SLC25A33: variants seen among roughly 807,000 people sequenced by gnomAD.
The protein encoded by SLC25A33 is bone marrow stromal cell mitochondrial carrier protein.
Under a neutral mutation model 35.5 loss-of-function variants are expected in SLC25A33, and 15 were observed. The ratio of observed to expected loss-of-function variants is 0.42; its 90% CI spans 0.28 to 0.65. The LOEUF is 0.65. Ranked by LOEUF, SLC25A33 falls within the 30% of genes least tolerant of loss-of-function variation. SLC25A33 has a pLI of 0.20. For missense variants in SLC25A33, 257 were observed against 398.5 expected (o/e 0.64, Z 3.02); for synonymous variants, 136 against 148.7 (o/e 0.91, Z 0.62).
At position 9,545,064 on chromosome 1, in the gene SLC25A33, A is replaced by G. The variant is rs2100367787; in HGVS notation, c.56+5317A>G. Among the ~76,000 whole-genome samples, 3 of 152,322 alleles carry G rather than the reference A, an allele frequency of 2.0e-5. No homozygotes were observed. The East Asian group carries it at 5.8e-4, about 29-fold the overall frequency. ...TGAGGTGCCTAAGCCACAAGGGGAA[A>G]AATTAAACTAGGGAGGCATGGGTGT... On this transcript the variant is annotated intron_variant, in intron 1 of 6. Coordinates refer to ENST00000302692, the MANE Select transcript of SLC25A33 (RefSeq NM_032315.3).
intron 5 of SLC25A33, among the ~76,000 whole-genome samples, chr1:9,579,480 T>C (rs1643707600): frequency 6.6e-6 from 1 of 152,034 alleles, no homozygotes; most frequent in Admixed American, 6.6e-5. Flanking sequence ...TGTTTACTGG[T>C]TTGTTATAGA....
In SLC25A33 at chr1:9,550,015, T is replaced by G. The variant is rs371553979; in HGVS notation, c.57-3611T>G. ...TCTATACATATATATATATATATTT[T>G]TTTTTTTTTTTTTTTTTTTTTTTGA... On this transcript the variant is annotated intron_variant, in intron 1 of 6. Transcript: ENST00000302692. 8.4e-3 allele frequency among the ~76,000 whole-genome samples: 595 copies of G among 71,170 alleles called. 39 individuals are homozygous for G. The highest frequency in any genetic ancestry group is 0.04 in the African/African-American group (569 of 14,296). The allele number at this position is 71,170 out of a possible 152,430, so 46.7% of individuals were successfully genotyped here. A position where few individuals can be genotyped will look rare whatever the true frequency, so the allele number is the denominator to read the frequency against.
At chr1:9,570,135 A>G in intron 3 of SLC25A33, 123 bp from the exon 4 acceptor site, 1 of 786,560 alleles carries the variant, frequency 1.3e-6, no homozygotes. Context: ...GGCGAGGACA[A>G]GCTTTTTAGT....
At chr1:9,549,960 A>G (rs1346014436) in intron 1 of SLC25A33, among the ~76,000 whole-genome samples, 1 of 137,208 alleles carries the variant, frequency 7.3e-6, no homozygotes, top group Non-Finnish European at 1.5e-5. Flanking sequence ...ATCTTTATAT[A>G]TATATTTCTA....
chr1:9,539,834 G>A, intron 1 of SLC25A33, 87 bp downstream of exon 1: 1 of 1,183,650 alleles, frequency 8.4e-7, no homozygotes, highest in Non-Finnish European at 1.1e-6. Context: ...CTCCCGCGGC[G>A]GTTACCGGCC....
At chr1:9,543,303 C>T (rs1041948779) in intron 1 of SLC25A33, among the ~76,000 whole-genome samples, 1 of 152,008 alleles carries the variant, frequency 6.6e-6, no homozygotes, top group Non-Finnish European at 1.5e-5. Flanking sequence ...GCCACCACGC[C>T]CGGCTAATTT....
At chr1:9,577,404 C>T (rs1320827107) in intron 5 of SLC25A33, among the ~76,000 whole-genome samples, 2 of 152,062 alleles carry the variant, frequency 1.3e-5, no homozygotes, top group South Asian at 4.1e-4. Flanking sequence ...TGCTTGAACC[C>T]AGAAGTTGAG....
intron 5 of SLC25A33, among the ~76,000 whole-genome samples, chr1:9,579,207 C>T (rs1049155347): frequency 5.3e-5 from 8 of 152,154 alleles, no homozygotes; most frequent in Non-Finnish European, 1.0e-4. Flanking sequence ...AGGGGGTTTT[C>T]CCCACACACA....
At chr1:9,574,632 A>G (rs184533980) in intron 5 of SLC25A33, among the ~76,000 whole-genome samples, 3 of 152,340 alleles carry the variant, frequency 2.0e-5, no homozygotes, top group Admixed American at 6.5e-5. Flanking sequence ...AATGAATACA[A>G]TTAACCCAAG....
At chr1:9,546,194 T>C (rs2100368969) in intron 1 of SLC25A33, among the ~76,000 whole-genome samples, 1 of 137,888 alleles carries the variant, frequency 7.3e-6, no homozygotes, top group East Asian at 2.1e-4. Context: ...TTTTTTTTTT[T>C]TTTTTTTTGA....
At chr1:9,552,546 A>AAATTTTAAGAAGGGTCTGTATTGG (rs1643280739) in intron 1 of SLC25A33, among the ~76,000 whole-genome samples, 2 of 152,152 alleles carry the variant, frequency 1.3e-5, no homozygotes, top group African/African-American at 4.8e-5. Context: ...GTAATTAATC[A>AAATTTTAAGAAGGGTCTGTATTGG]AATTTTAAGA....
Position 9,573,405 on chromosome 1 carries a change from G to T in SLC25A33, c.475G>T (p.Glu159Ter). The change falls in exon 5 of 7, where the codon GAA becomes TAA. Residue 159 changes from glutamate to a stop codon, truncating the protein, a stop_gained. Transcript: ENST00000302692. LOFTEE classifies it high-confidence loss of function. ...IWMVKTRMQL[E>*]QKVRGSKQMN... The stretch of plus-strand genomic sequence containing the variant: ...GATGGTTAAAACCCGAATGCAGCTA[G>T]AACAGAAGTAAGTTATTATTTGTTC... 1 of 1,611,076 alleles carries T rather than the reference G, an allele frequency of 6.2e-7. No individual in the cohort carries two copies. The highest frequency in any genetic ancestry group is 1.1e-5 in the South Asian group (1 of 90,832).
chr1:9,567,828 T>C (rs1197618564), intron 3 of SLC25A33, among the ~76,000 whole-genome samples: 1 of 152,254 alleles, frequency 6.6e-6, no homozygotes, highest in African/African-American at 2.4e-5. Context: ...GACATCCTCA[T>C]ATCTTTGCAG....
chr1:9,558,218 A>G (rs1157536916), intron 2 of SLC25A33, among the ~76,000 whole-genome samples: 1 of 152,198 alleles, frequency 6.6e-6, no homozygotes, highest in African/African-American at 2.4e-5. Flanking sequence ...CCCCAGACAC[A>G]AGGCTGAGCC....
chr1:9,562,620 C>T (rs1036642601), intron 2 of SLC25A33, among the ~76,000 whole-genome samples: 6 of 151,776 alleles, frequency 4.0e-5, no homozygotes, highest in Admixed American at 1.3e-4. Flanking sequence ...TTTGGGAGGC[C>T]GAGGTGGGCA....
chr1:9,547,435 ACT>A (rs1481528886), intron 1 of SLC25A33, among the ~76,000 whole-genome samples: 3 of 151,782 alleles, frequency 2.0e-5, no homozygotes, highest in Non-Finnish European at 2.9e-5. Context: ...CAAGAGCAAA[ACT>A]CTGTCTCAAA....
At chr1:9,550,231 T>TA (rs537669811) in intron 1 of SLC25A33, among the ~76,000 whole-genome samples, 207 of 133,572 alleles carry the variant, frequency 1.5e-3, no homozygotes, top group Admixed American at 3.0e-3. Context: ...CTTCTCTCTT[T>TA]AAAAAAAAAA....
chr1:9,545,284 C>T (rs1643150526), intron 1 of SLC25A33, among the ~76,000 whole-genome samples: 1 of 151,218 alleles, frequency 6.6e-6, no homozygotes, highest in South Asian at 2.1e-4. Flanking sequence ...GGTGTGATCT[C>T]AGCTCTCTGC....
intron 1 of SLC25A33, among the ~76,000 whole-genome samples, chr1:9,547,766 A>G (rs1164243370): frequency 1.3e-5 from 2 of 151,068 alleles, no homozygotes; most frequent in African/African-American, 4.9e-5. Context: ...AATTGCCCCA[A>G]TTGAGAACTA....
Sources: allele counts gnomAD v4.1 joint callset (sites outside exome capture counted in the v4.1 genomes callset), GRCh38; gene constraint gnomAD v4.1.1; transcripts MANE v1.5; gene names NCBI Gene and HGNC (gene_info 2026-07-23, HGNC 2026-07-21).